Variants in STXBP5 observed in about 807,000 individuals in gnomAD.
STXBP5 encodes syntaxin-binding protein 5.
In STXBP5, 50 loss-of-function variants were observed where a neutral mutation model predicts 152.4. That is an observed-to-expected ratio of 0.33 (90% CI 0.26 to 0.42). The LOEUF is 0.42. STXBP5 is among the 10% of genes least tolerant of loss of function. The pLI, the probability that STXBP5 is intolerant of heterozygous loss-of-function variation, is 1.00. For missense variants in STXBP5, 1,167 were observed against 1,388.6 expected (o/e 0.84, Z 2.54); for synonymous variants, 492 against 494.7 (o/e 0.99, Z 0.07).
At chr6:147,328,648 C>T in intron 18 of STXBP5, 1 of 462,496 alleles carries the variant, frequency 2.2e-6, no homozygotes, top group Non-Finnish European at 4.5e-6. Context: ...CCATACCATT[C>T]TAGTATTTTT....
At chr6:147,313,022 T>C (rs1277679695) in intron 11 of STXBP5, among the ~76,000 whole-genome samples, 1 of 152,180 alleles carries the variant, frequency 6.6e-6, no homozygotes, top group Non-Finnish European at 1.5e-5. Flanking sequence ...ATGTGTGTTA[T>C]AAAGAGAAGA....
chr6:147,335,177 T>C (rs1487079016), intron 19 of STXBP5, among the ~76,000 whole-genome samples: 1 of 152,190 alleles, frequency 6.6e-6, no homozygotes, highest in Non-Finnish European at 1.5e-5. Context: ...TTCATTAAAC[T>C]AATAAAACAT....
At chr6:147,332,138 A>T (rs1337273101) in intron 18 of STXBP5, among the ~76,000 whole-genome samples, 2 of 152,204 alleles carry the variant, frequency 1.3e-5, no homozygotes, top group African/African-American at 2.4e-5. Flanking sequence ...TTCTGGCAGT[A>T]ACAGAGGGGA....
chr6:147,305,553 A>T (rs1782046895), intron 9 of STXBP5, among the ~76,000 whole-genome samples: 1 of 152,204 alleles, frequency 6.6e-6, no homozygotes, highest in South Asian at 2.1e-4. Flanking sequence ...TTGACATATA[A>T]TCTGCAAAAT....
rs1786495301 is a variant in STXBP5 at position 147,389,555 on chromosome 6, T to G, written c.*4800T>G. 6.6e-6 allele frequency: 1 copy of G among 151,862 alleles called. No individual in the cohort carries two copies. The highest frequency in any genetic ancestry group is 2.4e-5 in the African/African-American group (1 of 41,414). 9.4% of individuals were successfully genotyped at this position (151,862 alleles called of 1,614,324 possible). On this transcript the variant is annotated 3_prime_UTR_variant, in exon 28 of 28. Coordinates refer to ENST00000321680, the MANE Select transcript of STXBP5 (RefSeq NM_001127715.4). ...TTTTGCCAGTATTTTACAATGAGGC[T>G]TATCGTTTAAAATTTTATAGTGTAT...
chr6:147,215,155 CTTTA>C (rs1310375763), intron 2 of STXBP5, among the ~76,000 whole-genome samples: 3 of 152,190 alleles, frequency 2.0e-5, no homozygotes, highest in African/African-American at 7.2e-5. Flanking sequence ...GTCAGTAAAA[CTTTA>C]TTTATAAAAT....
chr6:147,353,495 T>A, intron 22 of STXBP5, 122 bp downstream of exon 22: 1 of 564,760 alleles, frequency 1.8e-6, no homozygotes, highest in Non-Finnish European at 3.1e-6. Flanking sequence ...CTAAGATGCT[T>A]AAGGTTTAAA....
chr6:147,274,562 C>G (rs1780346021), intron 7 of STXBP5, among the ~76,000 whole-genome samples: 1 of 151,986 alleles, frequency 6.6e-6, no homozygotes, highest in Non-Finnish European at 1.5e-5. Flanking sequence ...AATACTAGGA[C>G]AAAAGCTGTA....
intron 7 of STXBP5, among the ~76,000 whole-genome samples, chr6:147,275,256 C>T (rs1360939796): frequency 1.3e-5 from 2 of 152,064 alleles, no homozygotes; most frequent in African/African-American, 2.4e-5. Flanking sequence ...TAATTACCTT[C>T]ATGAACCTTC....
chr6:147,272,723 C>G (rs1780235542), intron 7 of STXBP5, among the ~76,000 whole-genome samples: 1 of 152,074 alleles, frequency 6.6e-6, no homozygotes, highest in African/African-American at 2.4e-5. Flanking sequence ...AATGACATAA[C>G]AATTTAGAAC....
At chr6:147,230,948 T>G (rs1370304082) in intron 2 of STXBP5, among the ~76,000 whole-genome samples, 1 of 148,826 alleles carries the variant, frequency 6.7e-6, no homozygotes, top group East Asian at 1.9e-4. Flanking sequence ...ATGCTGGTGA[T>G]GATGATGGTG....
chr6:147,270,589 T>C (rs1280325572), intron 7 of STXBP5, among the ~76,000 whole-genome samples: 1 of 151,802 alleles, frequency 6.6e-6, no homozygotes, highest in Admixed American at 6.6e-5. Flanking sequence ...ATTGAAAGAA[T>C]TAATCACTTG....
chr6:147,328,665 T>A (rs1217147784), intron 18 of STXBP5: 1 of 467,736 alleles, frequency 2.1e-6, no homozygotes, highest in Admixed American at 2.4e-5. Flanking sequence ...TTTTGTCTCC[T>A]TTTATTTCTT....
rs765278414 is a variant in STXBP5 at position 147,335,435 on chromosome 6, A to G, written c.2146+1213A>G. On this transcript the variant is annotated intron_variant, in intron 19 of 27. Transcript: ENST00000321680. ...TGTCAATATGTTAAGGATATAAGCC[A>G]GGGTGAACAATTTGGACATGGAACA... 1.1e-3 allele frequency among the ~76,000 whole-genome samples: 165 copies of G among 152,234 alleles called. 4 individuals carry two copies. The highest frequency in any genetic ancestry group is 1.1e-3 in the Non-Finnish European group (78 of 68,028).
At chr6:147,221,030 C>T (rs776858377) in intron 2 of STXBP5, among the ~76,000 whole-genome samples, 10 of 152,108 alleles carry the variant, frequency 6.6e-5, no homozygotes, top group Middle Eastern at 6.8e-3. Context: ...CTTAGCATAT[C>T]AGTTTCTTAG....
intron 26 of STXBP5, among the ~76,000 whole-genome samples, chr6:147,376,504 C>T (rs1785817046): frequency 6.6e-6 from 1 of 151,926 alleles, no homozygotes; most frequent in Admixed American, 6.6e-5. Context: ...AGCTAAAAGA[C>T]AAAAATGGTT....
intron 2 of STXBP5, among the ~76,000 whole-genome samples, chr6:147,210,426 A>G (rs117406405): frequency 0.031 from 4,655 of 152,160 alleles, 115 homozygotes; most frequent in Non-Finnish European, 0.051. Context: ...GGTGATTTCC[A>G]GAATTTTGTT....
chr6:147,239,374 A>G (rs1582826856), intron 4 of STXBP5, 104 bp downstream of exon 4: 1 of 893,960 alleles, frequency 1.1e-6, no homozygotes, highest in East Asian at 2.7e-5. Context: ...TGCACAATCT[A>G]AAAACTGATT....
chr6:147,365,271 A>G (rs2128414831), intron 25 of STXBP5, among the ~76,000 whole-genome samples: 1 of 152,236 alleles, frequency 6.6e-6, no homozygotes, highest in Non-Finnish European at 1.5e-5. Context: ...GGTGAAAGTT[A>G]TTTTTCAAAG....
Sources: allele counts gnomAD v4.1 joint callset (sites outside exome capture counted in the v4.1 genomes callset), GRCh38; gene constraint gnomAD v4.1.1; transcripts MANE v1.5; gene names NCBI Gene and HGNC (gene_info 2026-07-23, HGNC 2026-07-21).